ZFAT: variants seen among roughly 807,000 people sequenced by gnomAD.
ZFAT encodes zinc finger and AT-hook domain containing.
In ZFAT, 64 loss-of-function variants were observed where a neutral mutation model predicts 117.7. The observed-to-expected ratio is 0.54, with a 90% CI of 0.44 to 0.67. The LOEUF is 0.67. ZFAT is among the 30% of genes least tolerant of loss of function. The pLI is 0.00. For synonymous variants in ZFAT, 679 were observed against 615.0 expected, an observed-to-expected ratio of 1.10 and a Z score of -1.54; for missense variants, 1,433 against 1,584.5, an observed-to-expected ratio of 0.90 and a Z score of 1.62.
At chr8:134,590,494 CCAT>C (rs1461935913) in intron 7 of ZFAT, 139 bp from the exon 8 acceptor site, 17 of 631,356 alleles carry the variant, frequency 2.7e-5, no homozygotes, top group Non-Finnish European at 4.8e-5. Context: ...ACCACCACCA[CCAT>C]CACATCACCA....
At chr8:134,809,630 G>A in the ZFAT span, among the ~76,000 whole-genome samples, 1 of 152,144 alleles carries the variant, frequency 6.6e-6, no homozygotes, top group African/African-American at 2.4e-5. Flanking sequence ...AATGCATATT[G>A]CATTTTGAGT....
At chr8:134,736,588 C>T in the ZFAT span, among the ~76,000 whole-genome samples, 1 of 152,114 alleles carries the variant, frequency 6.6e-6, no homozygotes, top group South Asian at 2.1e-4. Context: ...GCCATTCTCT[C>T]TCTCTCTCTC....
chr8:134,697,683 C>T (rs1181762431), intron 1 of ZFAT, among the ~76,000 whole-genome samples: 1 of 150,508 alleles, frequency 6.6e-6, no homozygotes, highest in African/African-American at 2.4e-5. Context: ...GCCGAGATCG[C>T]GCCACTGCAC....
At chr8:134,730,998 G>A in the ZFAT span, among the ~76,000 whole-genome samples, 2 of 152,190 alleles carry the variant, frequency 1.3e-5, no homozygotes, top group Non-Finnish European at 2.9e-5. Flanking sequence ...ATGCTCTATT[G>A]CCGGAGGTGT....
At chr8:134,494,187 G>A (rs4431556) in intron 15 of ZFAT, among the ~76,000 whole-genome samples, 25,532 of 152,186 alleles carry the variant, frequency 0.17, 2,296 homozygotes, top group Admixed American at 0.26. Flanking sequence ...TCCCTGCACA[G>A]CTGTGCGGCT....
chr8:134,688,949 G>A (rs981792970), intron 1 of ZFAT, among the ~76,000 whole-genome samples: 2 of 152,192 alleles, frequency 1.3e-5, no homozygotes, highest in African/African-American at 4.8e-5. Flanking sequence ...TTCCAGTGAA[G>A]CACCAAGCAC....
the ZFAT span, among the ~76,000 whole-genome samples, chr8:134,731,787 T>TA: frequency 6.9e-6 from 1 of 145,456 alleles, no homozygotes; most frequent in Non-Finnish European, 1.5e-5. Context: ...ATAAAACAGT[T>TA]AGATAATAGC....
At chr8:134,680,071 C>T (rs999796096) in intron 1 of ZFAT, among the ~76,000 whole-genome samples, 3 of 151,382 alleles carry the variant, frequency 2.0e-5, no homozygotes, top group Admixed American at 6.6e-5. Flanking sequence ...TGTACATGTA[C>T]CCCTGAACTT....
At chr8:134,757,099 C>T in the ZFAT span, among the ~76,000 whole-genome samples, 1 of 149,532 alleles carries the variant, frequency 6.7e-6, no homozygotes, top group Non-Finnish European at 1.5e-5. Flanking sequence ...TCACTGCAAC[C>T]TCTGCCTCCC....
the ZFAT span, among the ~76,000 whole-genome samples, chr8:134,781,661 A>G: frequency 6.6e-6 from 1 of 152,122 alleles, no homozygotes; most frequent in Non-Finnish European, 1.5e-5. Context: ...ATTTTGGAAA[A>G]TAAAAGTTAC....
the ZFAT span, chr8:134,794,921 G>C: frequency 3.3e-5 from 5 of 152,190 alleles, no homozygotes; most frequent in Non-Finnish European, 7.3e-5. Context: ...GCACTGTGCA[G>C]GGTCCTTCAC....
intron 11 of ZFAT, among the ~76,000 whole-genome samples, chr8:134,535,270 C>G (rs1821746122): frequency 6.6e-6 from 1 of 152,192 alleles, no homozygotes; most frequent in Non-Finnish European, 1.5e-5. Context: ...CTGAACCATA[C>G]ACAGGAATTT....
chr8:134,639,507 C>T (rs1830462033), intron 2 of ZFAT, among the ~76,000 whole-genome samples: 4 of 152,010 alleles, frequency 2.6e-5, no homozygotes, highest in African/African-American at 9.7e-5. Flanking sequence ...GGAAGGCAAA[C>T]CAGATAAAAC....
chr8:134,616,847 C>G (rs564722413), intron 3 of ZFAT, among the ~76,000 whole-genome samples: 4 of 152,202 alleles, frequency 2.6e-5, no homozygotes, highest in African/African-American at 7.2e-5. Flanking sequence ...TAACCACTTG[C>G]AAAGGAACTC....
At chr8:134,637,764 G>C (rs1401223161) in intron 2 of ZFAT, 52 bp from the exon 3 acceptor site, 2 of 1,580,890 alleles carry the variant, frequency 1.3e-6, no homozygotes, top group Non-Finnish European at 1.7e-6. Context: ...GGCAGTGCAG[G>C]GTTCACAATC....
intron 2 of ZFAT, among the ~76,000 whole-genome samples, chr8:134,645,760 G>C (rs1270937555): frequency 6.6e-6 from 1 of 152,158 alleles, no homozygotes; most frequent in Non-Finnish European, 1.5e-5. Flanking sequence ...CCAGGAAATA[G>C]ATGTGAATAA....
the ZFAT span, among the ~76,000 whole-genome samples, chr8:134,733,872 G>A: frequency 7.2e-5 from 11 of 152,258 alleles, no homozygotes; most frequent in South Asian, 2.1e-4. Context: ...TTTGTCCTGC[G>A]GCCACCCCAG....
the ZFAT span, among the ~76,000 whole-genome samples, chr8:134,736,520 G>A: frequency 6.6e-5 from 10 of 152,090 alleles, no homozygotes; most frequent in Non-Finnish European, 7.4e-5. Context: ...CCACACAGCC[G>A]CACAGAGCAA....
chr8:134,782,786 TTTCTTTATAAATTACCCA>T, the ZFAT span, among the ~76,000 whole-genome samples: 422 of 132,522 alleles, frequency 3.2e-3, 1 homozygote, highest in Middle Eastern at 8.0e-3. Context: ...TAAACCTCTT[TTTCTTTATAAATTACCCA>T]GTCTCGGGTA....
Sources: allele counts gnomAD v4.1 joint callset (sites outside exome capture counted in the v4.1 genomes callset), GRCh38; gene constraint gnomAD v4.1.1; transcripts MANE v1.5; gene names NCBI Gene and HGNC (gene_info 2026-07-23, HGNC 2026-07-21).